Variants in ABHD5 observed in about 807,000 individuals in gnomAD.
ABHD5 encodes the protein 1-acylglycerol-3-phosphate O-acyltransferase ABHD5.
In ABHD5, 30 loss-of-function variants were observed where a neutral mutation model predicts 44.9. The ratio of observed to expected loss-of-function variants is 0.67; its 90% CI spans 0.50 to 0.91. The LOEUF is 0.91. Among genes scored for constraint, ABHD5 ranks in the 40% least tolerant of loss-of-function variants. The pLI is 0.00. For missense variants in ABHD5, 399 were observed against 423.4 expected (o/e 0.94, Z 0.50); for synonymous variants, 167 against 147.0 (o/e 1.14, Z -0.99).
At chr3:43,711,677 A>G in intron 3 of ABHD5, 32 bp from the exon 4 acceptor site, 5 of 1,613,544 alleles carry the variant, frequency 3.1e-6, no homozygotes, top group Non-Finnish European at 4.2e-6. Flanking sequence ...GATTTTACCA[A>G]ATGAACTTAA....
chr3:43,694,068 G>GAGGCCGAGGCGGGC (rs879539302), intron 1 of ABHD5, among the ~76,000 whole-genome samples: 38 of 149,720 alleles, frequency 2.5e-4, no homozygotes, highest in East Asian at 9.9e-4. Context: ...AGCACTTTGG[G>GAGGCCGAGGCGGGC]GTAACACCGT....
rs180906111 is a variant in ABHD5 at position 43,691,101 on chromosome 3, T to A, written c.47+62T>A. The A allele has an allele frequency of 1.2e-3, 1,716 of 1,465,668 alleles. 62 individuals are homozygous for A. In the East Asian group the frequency reaches 0.046, roughly 39 times the overall value. 90.8% of individuals were successfully genotyped at this position (1,465,668 alleles called of 1,614,324 possible). On this transcript the variant is annotated intron_variant, in intron 1 of 6. Transcript: ENST00000644371. ...GCGCGCACCCTCCGCGCGGGCCGGG[T>A]TAGGGCCCAGCGGGCAGCACCAAGG...
intron 4 of ABHD5, among the ~76,000 whole-genome samples, chr3:43,712,100 G>A (rs1356925533): frequency 6.6e-6 from 1 of 152,106 alleles, no homozygotes; most frequent in Non-Finnish European, 1.5e-5. Context: ...AGAAAAGGAG[G>A]GAATGCTGAG....
intron 7 of ABHD5, among the ~76,000 whole-genome samples, chr3:43,731,994 A>G (rs2084915841): frequency 1.3e-5 from 2 of 152,202 alleles, no homozygotes; most frequent in Non-Finnish European, 2.9e-5. Context: ...CCACCCATGA[A>G]GTCTTCTGGA....
intron 4 of ABHD5, among the ~76,000 whole-genome samples, chr3:43,712,519 T>C (rs2149602845): frequency 6.6e-6 from 1 of 152,328 alleles, no homozygotes; most frequent in Admixed American, 6.5e-5. Context: ...TCCCTCATTG[T>C]CACAGATAAT....
intron 3 of ABHD5, among the ~76,000 whole-genome samples, chr3:43,709,927 C>T (rs2084666306): frequency 6.6e-6 from 1 of 152,100 alleles, no homozygotes; most frequent in Admixed American, 6.5e-5. Context: ...CCTGTAATCC[C>T]AGCTACTCAG....
chr3:43,710,456 T>G (rs73829512), intron 3 of ABHD5, among the ~76,000 whole-genome samples: 8 of 152,306 alleles, frequency 5.3e-5, no homozygotes, highest in African/African-American at 1.9e-4. Context: ...TCAGCCCTAG[T>G]TCTGTGTTAA....
chr3:43,723,779 T>C (rs2084859542), downstream of ABHD5, among the ~76,000 whole-genome samples: 1 of 152,182 alleles, frequency 6.6e-6, no homozygotes, highest in African/African-American at 2.4e-5. Context: ...ACTTTAAGAC[T>C]TAGAGAAACT....
At chr3:43,728,463 C>T (rs547665221) in intron 7 of ABHD5, among the ~76,000 whole-genome samples, 1 of 152,262 alleles carries the variant, frequency 6.6e-6, no homozygotes, top group African/African-American at 2.4e-5. Context: ...TAAAGCTAAC[C>T]CATAAATAAC....
At chr3:43,690,926 C>G (rs527265002), upstream of ABHD5, 4 of 1,510,300 alleles carry the variant, frequency 2.6e-6, no homozygotes, top group South Asian at 2.5e-5. Context: ...CCGCGCCAGC[C>G]CGGGGCGGCC....
Position 43,702,285 on chromosome 3 carries a change from CT to C in ABHD5, c.205del (p.Ser69LeufsTer25). 6.2e-7 allele frequency: 1 copy of C among 1,601,556 alleles called. No homozygotes were observed. Among genetic ancestry groups the C allele is most frequent in the Non-Finnish European group, 8.5e-7 (1 of 1,171,206 alleles). ...GAAATAAAATATGGACACTGAAGTT[CT>C]CTCATAATATTTCAAATAAGACTCC... is the stretch of plus-strand genomic sequence containing the variant. ...NGNKIWTLKF[S>X]HNISNKTPLV... On this transcript the variant is annotated frameshift_variant, in exon 3 of 7. Coordinates refer to ENST00000644371, the MANE Select transcript of ABHD5 (RefSeq NM_016006.6). LOFTEE classifies it high-confidence loss of function.
At chr3:43,729,233 G>A (rs2084898049) in intron 7 of ABHD5, among the ~76,000 whole-genome samples, 1 of 152,210 alleles carries the variant, frequency 6.6e-6, no homozygotes, top group South Asian at 2.1e-4. Flanking sequence ...AGCTTGATGT[G>A]TGAGAAGTGG....
downstream of ABHD5, among the ~76,000 whole-genome samples, chr3:43,724,664 C>A (rs2084866562): frequency 6.6e-6 from 1 of 152,038 alleles, no homozygotes; most frequent in South Asian, 2.1e-4. Flanking sequence ...TCCAAAATAT[C>A]CTTAATGGAA....
chr3:43,726,217 G>C (rs912772669), downstream of ABHD5, among the ~76,000 whole-genome samples: 4 of 152,082 alleles, frequency 2.6e-5, no homozygotes, highest in African/African-American at 9.7e-5. Flanking sequence ...TCACAGCAAT[G>C]GAAATGATGA....
intron 3 of ABHD5, 130 bp downstream of exon 3, chr3:43,702,717 C>T (rs1037412382): frequency 1.6e-6 from 2 of 1,269,080 alleles, no homozygotes; most frequent in Admixed American, 1.7e-5. Context: ...CTATAGACCA[C>T]ACCACAACTG....
At chr3:43,699,129 T>C (rs1024880696) in intron 1 of ABHD5, 147 bp from the exon 2 acceptor site, 4 of 724,800 alleles carry the variant, frequency 5.5e-6, no homozygotes, top group African/African-American at 5.2e-5. Flanking sequence ...CCATGCTTTG[T>C]GCATGTTAGG....
chr3:43,731,095 T>A (rs749645714), intron 7 of ABHD5, among the ~76,000 whole-genome samples: 2 of 152,188 alleles, frequency 1.3e-5, no homozygotes, highest in African/African-American at 2.4e-5. Flanking sequence ...CCCAAAGTGC[T>A]GGGATTACAG....
At chr3:43,703,801 T>G (rs2084578915) in intron 3 of ABHD5, among the ~76,000 whole-genome samples, 1 of 152,066 alleles carries the variant, frequency 6.6e-6, no homozygotes, top group African/African-American at 2.4e-5. Context: ...AACACAGAAT[T>G]TGATGTGTGA....
Position 43,714,848 on chromosome 3 carries a change from C to T in ABHD5, c.662-99C>T, listed in dbSNP as rs948856969. ...TACATATATATATGTGTGCATATAA[C>T]ACTCATTACACAGACAAGCACTAAA... On this transcript the variant is annotated intron_variant, in intron 4 of 6. Transcript: ENST00000644371. The T allele has an allele frequency of 6.4e-6, 5 of 777,710 alleles. No homozygotes were observed. In the African/African-American group the frequency reaches 8.7e-5, roughly 14 times the overall value. The allele number at this position is 777,710 out of a possible 1,614,324, so 48.2% of individuals were successfully genotyped here. A position where few individuals can be genotyped will look rare whatever the true frequency, so the allele number is the denominator to read the frequency against.
Sources: allele counts gnomAD v4.1 joint callset (sites outside exome capture counted in the v4.1 genomes callset), GRCh38; gene constraint gnomAD v4.1.1; transcripts MANE v1.5; gene names NCBI Gene and HGNC (gene_info 2026-07-23, HGNC 2026-07-21).